Variants in GNA12 observed in about 807,000 individuals in gnomAD.
GNA12 encodes the protein G protein subunit alpha 12, also known as guanine nucleotide-binding protein subunit alpha-12.
GNA12 carries 9 observed loss-of-function variants against 26.0 expected under a neutral mutation model. The ratio of observed to expected loss-of-function variants is 0.35; its 90% CI spans 0.21 to 0.60. The LOEUF (loss-of-function observed/expected upper bound fraction) is 0.60, where lower values mean the gene tolerates loss of function less well. GNA12 is among the 20% of genes least tolerant of loss of function. GNA12 has a pLI of 0.78. For synonymous variants in GNA12, 264 were observed against 219.6 expected, an observed-to-expected ratio of 1.20 and a Z score of -1.79; for missense variants, 405 against 525.8, an observed-to-expected ratio of 0.77 and a Z score of 2.25.
intron 2 of GNA12, among the ~76,000 whole-genome samples, chr7:2,754,238 G>A (rs1397894936): frequency 1.3e-5 from 2 of 152,204 alleles, no homozygotes; most frequent in East Asian, 1.9e-4. Context: ...AATGGCTGGA[G>A]AGGCTGGATG....
rs1338485354 is a variant in GNA12, at chr7:2,780,046, G to GTATATATA, written c.525+14881_525+14882insTATATATA. Among the ~76,000 whole-genome samples the GTATATATA allele has an allele frequency of 1.2e-3, 105 of 85,824 alleles. 4 individuals are homozygous for GTATATATA. Among genetic ancestry groups the GTATATATA allele is most frequent in the African/African-American group, 4.6e-3 (103 of 22,202 alleles). 56.3% of individuals were successfully genotyped at this position (85,824 alleles called of 152,430 possible). On this transcript the variant is annotated intron_variant, in intron 2 of 3. Coordinates refer to ENST00000275364, the MANE Select transcript of GNA12 (RefSeq NM_007353.3). ...ACGTACTAGTTTTTTACACATTTCT[G>GTATATATA]TGTACATATATATATATATATATAT...
At chr7:2,753,123 T>C (rs760006042) in intron 2 of GNA12, among the ~76,000 whole-genome samples, 4 of 151,960 alleles carry the variant, frequency 2.6e-5, no homozygotes, top group Non-Finnish European at 5.9e-5. Context: ...TTTTCTAGAG[T>C]GTACTTAAAG....
chr7:2,821,851 A>G (rs1485894985), intron 1 of GNA12, among the ~76,000 whole-genome samples: 1 of 152,172 alleles, frequency 6.6e-6, no homozygotes, highest in Non-Finnish European at 1.5e-5. Flanking sequence ...TCAATATTAA[A>G]ATTTGGCTTT....
At chr7:2,769,879 A>G (rs906491703) in intron 2 of GNA12, among the ~76,000 whole-genome samples, 1 of 152,294 alleles carries the variant, frequency 6.6e-6, no homozygotes, top group Admixed American at 6.5e-5. Flanking sequence ...TATCAATTGA[A>G]TTTTTTTCTG....
At chr7:2,774,367 A>T (rs1399524517) in intron 2 of GNA12, among the ~76,000 whole-genome samples, 1 of 152,176 alleles carries the variant, frequency 6.6e-6, no homozygotes. Context: ...TTTTGACTTT[A>T]ATCAAGATTG....
chr7:2,740,841 T>C (rs1790462793), intron 2 of GNA12, among the ~76,000 whole-genome samples: 2 of 152,172 alleles, frequency 1.3e-5, no homozygotes, highest in Admixed American at 6.6e-5. Flanking sequence ...TCGAGAGATC[T>C]AGACCATCCT....
Position 2,832,782 on chromosome 7 carries a change from G to T in GNA12, c.309+11071C>A, listed in dbSNP as rs561562301. 9.8e-4 allele frequency among the ~76,000 whole-genome samples: 149 copies of T among 152,292 alleles called. 1 individual carries two copies. The highest frequency in any genetic ancestry group is 3.6e-3 in the African/African-American group (148 of 41,564). Reference sequence around the variant, plus strand: ...CTCTACTTAAGAAAGTGGGGGTCAGGGATGTTTTCTTCCCCTTGCCGTCCA... The same window carrying T: ...CTCTACTTAAGAAAGTGGGGGTCAGTGATGTTTTCTTCCCCTTGCCGTCCA... On this transcript the variant is annotated intron_variant, in intron 1 of 3. Transcript: ENST00000275364.
intron 2 of GNA12, among the ~76,000 whole-genome samples, chr7:2,745,841 G>C (rs1430075186): frequency 6.6e-6 from 1 of 152,106 alleles, no homozygotes; most frequent in Non-Finnish European, 1.5e-5. Flanking sequence ...CAAGCAAATG[G>C]AAAACAGAAA....
intron 1 of GNA12, among the ~76,000 whole-genome samples, chr7:2,843,525 T>G (rs966438454): frequency 6.6e-6 from 1 of 151,858 alleles, no homozygotes; most frequent in African/African-American, 2.4e-5. Flanking sequence ...TGCGCGCCTG[T>G]AATCCCACTA....
Position 2,730,565 on chromosome 7 carries a change from G to A in GNA12, c.*616C>T, listed in dbSNP as rs961975296. ...TCCTCAGCTTCATCTGAGAGGCTTGGACTAGGGGCTCTTAGGAAATCGGCA... is the reference window on the plus strand; with the variant it reads ...TCCTCAGCTTCATCTGAGAGGCTTGAACTAGGGGCTCTTAGGAAATCGGCA... On this transcript the variant is annotated 3_prime_UTR_variant, in exon 4 of 4. Transcript: ENST00000275364. The A allele has an allele frequency of 6.6e-6, 1 of 152,594 alleles. No individual in the cohort carries two copies. The highest frequency in any genetic ancestry group is 2.4e-5 in the African/African-American group (1 of 41,464). 9.5% of individuals were successfully genotyped at this position (152,594 alleles called of 1,614,324 possible). A position where few individuals can be genotyped will look rare whatever the true frequency, so the allele number is the denominator to read the frequency against.
intron 1 of GNA12, chr7:2,814,334 A>C (rs1793162732): frequency 3.1e-6 from 5 of 1,594,172 alleles, no homozygotes; most frequent in Non-Finnish European, 4.3e-6. Context: ...GTGTGCAATG[A>C]GTAGGTGCTC....
intron 2 of GNA12, chr7:2,763,104 C>A: frequency 8.0e-7 from 1 of 1,248,378 alleles, no homozygotes; most frequent in Non-Finnish European, 1.0e-6. Flanking sequence ...CACAAGCAGC[C>A]TCTGAAGTCA....
chr7:2,787,283 C>T (rs1285121588), intron 2 of GNA12, among the ~76,000 whole-genome samples: 3 of 152,180 alleles, frequency 2.0e-5, no homozygotes, highest in African/African-American at 7.2e-5. Flanking sequence ...TCCATGGGAC[C>T]CTCACTTTTA....
chr7:2,772,645 C>T (rs1418642885), intron 2 of GNA12, among the ~76,000 whole-genome samples: 5 of 151,990 alleles, frequency 3.3e-5, no homozygotes, highest in Admixed American at 6.6e-5. Flanking sequence ...CAATTGATAC[C>T]CACCAGGAGG....
intron 1 of GNA12, among the ~76,000 whole-genome samples, chr7:2,832,503 C>G (rs1445704784): frequency 2.6e-5 from 4 of 152,216 alleles, no homozygotes; most frequent in Admixed American, 6.5e-5. Flanking sequence ...GAACGTTCCA[C>G]CACGGTGACG....
intron 2 of GNA12, among the ~76,000 whole-genome samples, chr7:2,738,147 G>C (rs993034990): frequency 5.9e-5 from 9 of 152,262 alleles, no homozygotes; most frequent in African/African-American, 2.2e-4. Context: ...AGAGGACCAG[G>C]CGTGGTGGCT....
intron 2 of GNA12, among the ~76,000 whole-genome samples, chr7:2,773,208 C>T (rs1791991708): frequency 6.6e-6 from 1 of 152,360 alleles, no homozygotes; most frequent in East Asian, 1.9e-4. Flanking sequence ...ACGTAAATCT[C>T]ATTGTGTTGT....
rs1789734953 is a variant in GNA12 at position 2,728,761 on chromosome 7, G to A, written c.*2420C>T. ...GTGAATGACAGTTTAGCCTTGCAGAGTTTCCTTCTTCTCCAATTACAATGT... is the reference window on the plus strand; with the variant it reads ...GTGAATGACAGTTTAGCCTTGCAGAATTTCCTTCTTCTCCAATTACAATGT... On this transcript the variant is annotated 3_prime_UTR_variant, in exon 4 of 4. Coordinates refer to ENST00000275364, the MANE Select transcript of GNA12 (RefSeq NM_007353.3). 6.6e-6 allele frequency: 1 copy of A among 152,442 alleles called. No homozygotes were observed. Among genetic ancestry groups the A allele is most frequent in the Non-Finnish European group, 1.5e-5 (1 of 68,038 alleles). 9.4% of individuals were successfully genotyped at this position (152,442 alleles called of 1,614,324 possible).
chr7:2,843,711 G>T (rs1015898806), intron 1 of GNA12, 142 bp downstream of exon 1: 13 of 433,820 alleles, frequency 3.0e-5, no homozygotes, highest in Middle Eastern at 6.1e-4. Context: ...GGTCGGGGGG[G>T]AGTGGGGTGC....
Sources: allele counts gnomAD v4.1 joint callset (sites outside exome capture counted in the v4.1 genomes callset), GRCh38; gene constraint gnomAD v4.1.1; transcripts MANE v1.5; gene names NCBI Gene and HGNC (gene_info 2026-07-23, HGNC 2026-07-21).